ZNF83: variants seen among roughly 807,000 people sequenced by gnomAD.
The protein encoded by ZNF83 is zinc finger protein 816B.
For missense variants in ZNF83, 552 were observed against 629.9 expected (o/e 0.88, Z 1.32); for synonymous variants, 209 against 213.0 (o/e 0.98, Z 0.17).
chr19:52,666,163 C>CAA (rs35992506), intron 1 of ZNF83, among the ~76,000 whole-genome samples: 1,370 of 102,114 alleles, frequency 0.013, 24 homozygotes, highest in African/African-American at 0.019. Context: ...GACTCCATCT[C>CAA]AAAAAAAAAA....
intron 2 of ZNF83, among the ~76,000 whole-genome samples, chr19:52,622,887 T>C (rs548398139): frequency 5.3e-5 from 8 of 152,230 alleles, no homozygotes; most frequent in South Asian, 2.1e-4. Flanking sequence ...CAAATGGCAA[T>C]GCATTTCTGA....
intron 3 of ZNF83, among the ~76,000 whole-genome samples, chr19:52,649,152 C>T (rs186418965): frequency 2.4e-3 from 372 of 152,194 alleles, no homozygotes; most frequent in Non-Finnish European, 4.1e-3. Flanking sequence ...TTTTTGTCTT[C>T]CTGCTTCAAA....
chr19:52,635,076 AC>A lies in ZNF83; in HGVS notation c.-245del. ...AGAATATCATCTCACCTGAGGAAGA[AC>A]CATTCCTGACGCCTTTGCTTTCCTC... On this transcript the variant is annotated 5_prime_UTR_variant, in exon 2 of 3. An upstream open reading frame in the 5' UTR loses its in-frame stop. Transcript: ENST00000301096. The A allele has an allele frequency of 1.4e-6, 1 of 726,064 alleles. No homozygotes were observed. The highest frequency in any genetic ancestry group is 2.5e-6 in the Non-Finnish European group (1 of 398,094). 45.0% of individuals were successfully genotyped at this position (726,064 alleles called of 1,614,324 possible).
intron 1 of ZNF83, among the ~76,000 whole-genome samples, chr19:52,680,733 C>T (rs1028089369): frequency 1.1e-4 from 15 of 142,786 alleles, no homozygotes; most frequent in Non-Finnish European, 1.8e-4. Context: ...CTGCCTCAGC[C>T]TCCCGAGTAA....
chr19:52,623,030 C>G (rs1463870173), intron 2 of ZNF83, among the ~76,000 whole-genome samples: 1 of 150,484 alleles, frequency 6.6e-6, no homozygotes, highest in African/African-American at 2.4e-5. Flanking sequence ...GCTTCAAGTG[C>G]CAGAAATCTG....
chr19:52,628,676 A>C (rs898269423), intron 2 of ZNF83, among the ~76,000 whole-genome samples: 2 of 151,932 alleles, frequency 1.3e-5, no homozygotes, highest in African/African-American at 4.8e-5. Context: ...GGAAGGTGTA[A>C]GTACCCCAAC....
chr19:52,613,834 C>T lies in ZNF83; in HGVS notation c.731G>A (p.Arg244His), dbSNP rs147902645. The T allele has an allele frequency of 5.8e-5, 93 of 1,612,670 alleles. No individual in the cohort carries two copies. The African/African-American group carries it at 1.0e-3, about 18-fold the overall frequency. The stretch of plus-strand genomic sequence containing the variant: ...CAGATGTTGTACAAGGTAGGAATTG[C>T]GACTGAACACCTTGCCACATTTGTT... Residue 244 changes from arginine (R) to histidine (H), a missense_variant, in exon 3 of 3, where the codon CGC (arginine) becomes CAC (histidine). Coordinates refer to ENST00000301096, the Ensembl canonical transcript of ZNF83.
At chr19:52,618,264 G>C (rs1457846654) in intron 2 of ZNF83, among the ~76,000 whole-genome samples, 1 of 149,832 alleles carries the variant, frequency 6.7e-6, no homozygotes, top group African/African-American at 2.5e-5. Context: ...GATAATTTTT[G>C]TGTTTTTTTT....
chr19:52,686,271 T>G (rs2062013344), intron 1 of ZNF83, among the ~76,000 whole-genome samples: 1 of 152,010 alleles, frequency 6.6e-6, no homozygotes, highest in African/African-American at 2.4e-5. Flanking sequence ...ATTTTTAAAT[T>G]GTTTTAAAAA....
chr19:52,673,147 T>C (rs2061749446), intron 1 of ZNF83, among the ~76,000 whole-genome samples: 1 of 152,130 alleles, frequency 6.6e-6, no homozygotes, highest in Non-Finnish European at 1.5e-5. Context: ...GAGCAGAGGT[T>C]GCAGTGAGTG....
At chr19:52,619,101 G>C in intron 2 of ZNF83, 1 of 1,606,766 alleles carries the variant, frequency 6.2e-7, no homozygotes, top group East Asian at 2.2e-5. Context: ...GGTTATGGGA[G>C]GAGTTCTTAT....
chr19:52,618,495 C>A, intron 2 of ZNF83: 1 of 165,212 alleles, frequency 6.1e-6, no homozygotes, highest in Admixed American at 5.9e-5. Context: ...ATCTCCTGAC[C>A]TTGTGATCCG....
chr19:52,659,030 A>G (rs1360266947), intron 2 of ZNF83, among the ~76,000 whole-genome samples: 1 of 152,136 alleles, frequency 6.6e-6, no homozygotes. Flanking sequence ...CTGGCAAAGC[A>G]GAATATCTAT....
At chr19:52,687,094 T>C (rs1170771534) in intron 1 of ZNF83, among the ~76,000 whole-genome samples, 1 of 151,108 alleles carries the variant, frequency 6.6e-6, no homozygotes, top group Non-Finnish European at 1.5e-5. Context: ...GGCAGGAGAA[T>C]TGCTTGAACC....
intron 3 of ZNF83, among the ~76,000 whole-genome samples, chr19:52,645,035 G>C (rs908330713): frequency 1.3e-5 from 2 of 151,432 alleles, no homozygotes; most frequent in African/African-American, 4.9e-5. Context: ...AAAAAAAGGG[G>C]GTGCTTTTGG....
chr19:52,640,814 T>C (rs1333576863), upstream of ZNF83, among the ~76,000 whole-genome samples: 1 of 152,174 alleles, frequency 6.6e-6, no homozygotes, highest in African/African-American at 2.4e-5. Flanking sequence ...AACGATTCAG[T>C]GTTCAGTACA....
At chr19:52,684,948 T>C (rs907829052) in intron 1 of ZNF83, among the ~76,000 whole-genome samples, 3 of 151,786 alleles carry the variant, frequency 2.0e-5, no homozygotes, top group Non-Finnish European at 4.4e-5. Context: ...CGGTGGAGGG[T>C]TCCCTGCCAG....
chr19:52,666,096 G>A (rs1394070203), intron 1 of ZNF83, among the ~76,000 whole-genome samples: 3 of 151,034 alleles, frequency 2.0e-5, no homozygotes, highest in Non-Finnish European at 4.4e-5. Context: ...CCCGGGAGGC[G>A]GAGCTTGCAG....
intron 2 of ZNF83, among the ~76,000 whole-genome samples, chr19:52,626,415 G>A (rs1157179366): frequency 6.6e-6 from 1 of 152,128 alleles, no homozygotes; most frequent in African/African-American, 2.4e-5. Flanking sequence ...AAATCAGTCT[G>A]GCCTGGTATA....
Sources: allele counts gnomAD v4.1 joint callset (sites outside exome capture counted in the v4.1 genomes callset), GRCh38; gene constraint gnomAD v4.1.1; transcripts MANE v1.5; gene names NCBI Gene and HGNC (gene_info 2026-07-23, HGNC 2026-07-21).